KMT2C: variants seen among roughly 807,000 people sequenced by gnomAD.
The protein encoded by KMT2C is lysine methyltransferase 2C.
KMT2C carries 88 observed loss-of-function variants against 507.9 expected under a neutral mutation model. The observed-to-expected ratio is 0.17, with a 90% CI of 0.15 to 0.21. The LOEUF (loss-of-function observed/expected upper bound fraction) is 0.21. Ranked by LOEUF, KMT2C falls within the 10% of genes least tolerant of loss-of-function variation. The probability of loss-of-function intolerance (pLI) is 1.00; values close to 1 mark genes in which losing one functional copy is unlikely to be tolerated. For synonymous variants in KMT2C, 2,049 were observed against 2,080.8 expected, an observed-to-expected ratio of 0.98 and a Z score of 0.42; for missense variants, 4,954 against 5,957.8, an observed-to-expected ratio of 0.83 and a Z score of 5.55.
At chr7:152,377,621 G>A (rs865848869) in intron 1 of KMT2C, among the ~76,000 whole-genome samples, 6 of 151,474 alleles carry the variant, frequency 4.0e-5, no homozygotes, top group Middle Eastern at 3.4e-3. Flanking sequence ...TGTAGTCCCA[G>A]ATACTCGGGG....
At chr7:152,418,432 T>C (rs766218004) in intron 1 of KMT2C, among the ~76,000 whole-genome samples, 1 of 151,868 alleles carries the variant, frequency 6.6e-6, no homozygotes, top group Non-Finnish European at 1.5e-5. Context: ...GGTTACTCAG[T>C]TTTTTGTTGT....
chr7:152,278,244 T>C (rs1271390959), intron 6 of KMT2C, among the ~76,000 whole-genome samples: 3 of 152,152 alleles, frequency 2.0e-5, no homozygotes, highest in African/African-American at 7.2e-5. Flanking sequence ...CTGCTCCCCC[T>C]TCTCCTTCAA....
At chr7:152,361,214 T>C (rs2097194264) in intron 1 of KMT2C, among the ~76,000 whole-genome samples, 1 of 152,096 alleles carries the variant, frequency 6.6e-6, no homozygotes, top group Non-Finnish European at 1.5e-5. Flanking sequence ...CACTCTAAGG[T>C]GGATCTTATT....
chr7:152,315,569 CAAATCCAAA>C (rs2096714711), intron 3 of KMT2C, among the ~76,000 whole-genome samples: 1 of 152,116 alleles, frequency 6.6e-6, no homozygotes, highest in African/African-American at 2.4e-5. Context: ...GTACACATAT[CAAATCCAAA>C]AAATTCTAGT....
In KMT2C at chr7:152,136,882, T is replaced by C. The variant is rs1446029428; in HGVS notation, c.14686A>G (p.Lys4896Glu). 6.2e-7 allele frequency: 1 copy of C among 1,613,594 alleles called. No individual in the cohort carries two copies. Among genetic ancestry groups the C allele is most frequent in the Non-Finnish European group, 8.5e-7 (1 of 1,179,998 alleles). Residue 4896 changes from lysine (K) to glutamate (E), a missense_variant, in exon 59 of 59, where the codon AAG (lysine) becomes GAG (glutamate). Lys to Glu is a moderately conservative substitution (Grantham distance 56). Transcript: ENST00000262189. ...YKFDFEDDQH[K>E]IPCHCGAVNC... The stretch of plus-strand genomic sequence containing the variant: ...ACAGCTCCACAGTGACACGGAATCT[T>C]GTGCTGGTCATCTTCAAAGTCAAAC...
At chr7:152,204,387 G>T (rs981298545) in intron 25 of KMT2C, among the ~76,000 whole-genome samples, 6 of 152,112 alleles carry the variant, frequency 3.9e-5, no homozygotes, top group African/African-American at 1.4e-4. Context: ...TTGAGCACAG[G>T]AGTTGCAGGC....
At chr7:152,361,282 T>C (rs952761486) in intron 1 of KMT2C, among the ~76,000 whole-genome samples, 2 of 152,168 alleles carry the variant, frequency 1.3e-5, no homozygotes, top group East Asian at 1.9e-4. Context: ...GTTTTTAGGC[T>C]GGGCACGGTG....
intron 7 of KMT2C, among the ~76,000 whole-genome samples, chr7:152,273,054 G>A (rs2096007204): frequency 6.6e-6 from 1 of 152,076 alleles, no homozygotes; most frequent in Non-Finnish European, 1.5e-5. Flanking sequence ...TAAGAAAAAG[G>A]AGAGATCTCT....
At chr7:152,391,066 C>T (rs1187858026) in intron 1 of KMT2C, among the ~76,000 whole-genome samples, 4 of 124,478 alleles carry the variant, frequency 3.2e-5, no homozygotes, top group Non-Finnish European at 4.8e-5. Context: ...ACTGCTTGAA[C>T]CAGGGAGGCG....
intron 42 of KMT2C, among the ~76,000 whole-genome samples, chr7:152,164,313 G>A (rs34797295): frequency 0.048 from 7,096 of 146,518 alleles, 279 homozygotes; most frequent in East Asian, 0.17. Flanking sequence ...TTTTTGAGAC[G>A]GAGTCTCGCT....
intron 4 of KMT2C, among the ~76,000 whole-genome samples, chr7:152,313,949 G>T (rs1312909546): frequency 6.6e-6 from 1 of 152,044 alleles, no homozygotes; most frequent in Non-Finnish European, 1.5e-5. Context: ...ATTTAAGGCA[G>T]AACATGAGGA....
At chr7:152,151,225 T>C (rs2091594413) in intron 50 of KMT2C, among the ~76,000 whole-genome samples, 1 of 152,218 alleles carries the variant, frequency 6.6e-6, no homozygotes, top group Non-Finnish European at 1.5e-5. Flanking sequence ...TCACTCTATT[T>C]AAAAATACGT....
intron 1 of KMT2C, 71 bp from the exon 2 acceptor site, chr7:152,358,746 A>G (rs767047697): frequency 4.3e-6 from 4 of 938,494 alleles, no homozygotes; most frequent in Non-Finnish European, 6.7e-6. Flanking sequence ...ACTTATATTC[A>G]ACATAAGGCA....
chr7:152,185,681 T>G (rs752362169), intron 33 of KMT2C, 50 bp from the exon 34 acceptor site: 7 of 1,338,910 alleles, frequency 5.2e-6, no homozygotes, highest in Non-Finnish European at 7.5e-6. Context: ...ATGCTAATGA[T>G]GTGTTGTAAT....
In KMT2C at chr7:152,158,897, T is replaced by C. The variant is rs747193976; in HGVS notation, c.11636A>G (p.Tyr3879Cys). Residue 3879 changes from tyrosine to cysteine, a missense_variant, in exon 44 of 59, where the codon TAC (tyrosine) becomes TGC (cysteine). Transcript: ENST00000262189. ...KKDEEEKQAM[Y>C]SSTDTFTHLK... ...GTGGGTAAACGTGTCAGTGCTAGAG[T>C]ACATAGCTTGTTTCTCCTCTTCGTC... 6.2e-7 allele frequency: 1 copy of C among 1,614,134 alleles called. No individual in the cohort carries two copies. Among genetic ancestry groups the C allele is most frequent in the Admixed American group, 1.7e-5 (1 of 60,028 alleles).
chr7:152,259,503 G>C (rs1318721201), intron 9 of KMT2C, among the ~76,000 whole-genome samples: 1 of 150,138 alleles, frequency 6.7e-6, no homozygotes, highest in Non-Finnish European at 1.5e-5. Flanking sequence ...GAAAGCAAGA[G>C]AGGGCATGCC....
chr7:152,341,240 G>A (rs2096988630), intron 2 of KMT2C, among the ~76,000 whole-genome samples: 1 of 152,100 alleles, frequency 6.6e-6, no homozygotes, highest in Non-Finnish European at 1.5e-5. Flanking sequence ...GCCCAGCCAA[G>A]CCTGACCTAA....
At chr7:152,287,001 A>T (rs2096310987) in intron 6 of KMT2C, among the ~76,000 whole-genome samples, 1 of 152,244 alleles carries the variant, frequency 6.6e-6, no homozygotes, top group Non-Finnish European at 1.5e-5. Flanking sequence ...CCTTTTGCAA[A>T]GACTTAAAAG....
chr7:152,310,626 C>T (rs1223230043), intron 5 of KMT2C, among the ~76,000 whole-genome samples: 1 of 152,062 alleles, frequency 6.6e-6, no homozygotes, highest in African/African-American at 2.4e-5. Flanking sequence ...GAATCAAAAA[C>T]TCGTGCAGTG....
Sources: allele counts gnomAD v4.1 joint callset (sites outside exome capture counted in the v4.1 genomes callset), GRCh38; gene constraint gnomAD v4.1.1; transcripts MANE v1.5; gene names NCBI Gene and HGNC (gene_info 2026-07-23, HGNC 2026-07-21).